Variants in SCAPER observed in about 807,000 individuals in gnomAD.
SCAPER encodes the protein S phase cyclin A-associated protein in the endoplasmic reticulum.
SCAPER carries 98 observed loss-of-function variants against 182.2 expected under a neutral mutation model. That is an observed-to-expected ratio of 0.54 (90% CI 0.46 to 0.64). SCAPER has a LOEUF of 0.64. SCAPER is among the 30% of genes least tolerant of loss of function. The probability of loss-of-function intolerance (pLI) is 0.00; values close to 1 mark genes in which losing one functional copy is unlikely to be tolerated. For missense variants in SCAPER, 1,432 were observed against 1,690.0 expected, an observed-to-expected ratio of 0.85 and a Z score of 2.68; for synonymous variants, 605 against 564.6, an observed-to-expected ratio of 1.07 and a Z score of -1.01.
At chr15:76,442,817 T>A (rs1044600227) in intron 25 of SCAPER, among the ~76,000 whole-genome samples, 1 of 152,206 alleles carries the variant, frequency 6.6e-6, no homozygotes, top group Admixed American at 6.5e-5. Context: ...CACCATTATA[T>A]CTTTCCTAGT....
chr15:76,670,922 T>C (rs1008621323), intron 20 of SCAPER, among the ~76,000 whole-genome samples: 1 of 152,214 alleles, frequency 6.6e-6, no homozygotes, highest in Non-Finnish European at 1.5e-5. Flanking sequence ...TACAGTGTTA[T>C]ACAGGAAGAA....
At chr15:76,691,867 C>T (rs1355879928) in intron 20 of SCAPER, among the ~76,000 whole-genome samples, 1 of 152,148 alleles carries the variant, frequency 6.6e-6, no homozygotes, top group Non-Finnish European at 1.5e-5. Flanking sequence ...TGAAACCCAG[C>T]TTATCTATAT....
At chr15:76,382,001 A>G (rs1318240475) in intron 27 of SCAPER, among the ~76,000 whole-genome samples, 1 of 152,200 alleles carries the variant, frequency 6.6e-6, no homozygotes, top group Non-Finnish European at 1.5e-5. Flanking sequence ...CTTTCTGGAT[A>G]TATAAAGGCA....
Position 76,814,210 on chromosome 15 carries a change from A to G in SCAPER, c.394-9577T>C, listed in dbSNP as rs544228983. Among the ~76,000 whole-genome samples, 7 of 152,352 alleles carry G rather than the reference A, an allele frequency of 4.6e-5. No homozygotes were observed. The East Asian group carries it at 1.3e-3, about 29-fold the overall frequency. ...CTATCCAAAGTGACATGCTCAATGC[A>G]ATCACTACCAAATTGTACTGGCATT... is the stretch of plus-strand genomic sequence containing the variant. On this transcript the variant is annotated intron_variant, in intron 5 of 31. Transcript: ENST00000563290.
At chr15:76,704,150 G>C (rs1056490357) in intron 18 of SCAPER, among the ~76,000 whole-genome samples, 11 of 152,118 alleles carry the variant, frequency 7.2e-5, no homozygotes, top group African/African-American at 2.7e-4. Flanking sequence ...ACTTTTGAGT[G>C]ATTAAAACCT....
rs562040892 is a variant in SCAPER at position 76,673,690 on chromosome 15, T to C, written c.2509-7901A>G. ...ACCCAGTAGCAATGAGCATCTCTGA[T>C]TATGGTCTTGAAATATCATTTCCCA... is the stretch of plus-strand genomic sequence containing the variant. On this transcript the variant is annotated intron_variant, in intron 20 of 31. Coordinates refer to ENST00000563290, the MANE Select transcript of SCAPER (RefSeq NM_020843.4). Among the ~76,000 whole-genome samples, 39 of 152,266 alleles carry C rather than the reference T, an allele frequency of 2.6e-4. 1 individual carries two copies. The highest frequency in any genetic ancestry group is 2.2e-3 in the Admixed American group (34 of 15,294).
intron 20 of SCAPER, among the ~76,000 whole-genome samples, chr15:76,693,532 C>A (rs1364757548): frequency 6.6e-6 from 1 of 152,058 alleles, no homozygotes; most frequent in African/African-American, 2.4e-5. Flanking sequence ...ATTTGTATAA[C>A]CCATGTTCAT....
At chr15:76,883,406 C>T (rs1181625162) in intron 2 of SCAPER, among the ~76,000 whole-genome samples, 1 of 152,124 alleles carries the variant, frequency 6.6e-6, no homozygotes, top group Non-Finnish European at 1.5e-5. Flanking sequence ...CACATCGGTC[C>T]CCATACCAGA....
At chr15:76,684,135 G>A (rs78038005) in intron 20 of SCAPER, among the ~76,000 whole-genome samples, 2,366 of 151,818 alleles carry the variant, frequency 0.016, 62 homozygotes, top group African/African-American at 0.055. Context: ...ATAGACCACC[G>A]ACACTATAAA....
At chr15:76,826,687 A>G (rs1057394271) in intron 5 of SCAPER, among the ~76,000 whole-genome samples, 2 of 152,208 alleles carry the variant, frequency 1.3e-5, no homozygotes, top group African/African-American at 4.8e-5. Context: ...TAAATTATAA[A>G]AGGAAAAAAC....
At chr15:76,644,543 T>A (rs2054378004) in intron 21 of SCAPER, among the ~76,000 whole-genome samples, 1 of 151,836 alleles carries the variant, frequency 6.6e-6, no homozygotes, top group African/African-American at 2.4e-5. Flanking sequence ...ACTGCTTTCA[T>A]ACATACAGTA....
At chr15:76,880,477 G>A (rs2073461797) in intron 2 of SCAPER, among the ~76,000 whole-genome samples, 3 of 152,166 alleles carry the variant, frequency 2.0e-5, no homozygotes, top group African/African-American at 7.2e-5. Context: ...AGGAACTCAA[G>A]AATTCTGCAA....
Position 76,580,525 on chromosome 15 carries a change from T to C in SCAPER, c.2712-6241A>G, listed in dbSNP as rs377425066. On this transcript the variant is annotated intron_variant, in intron 22 of 31. Transcript: ENST00000563290. ...ATCCTAGCACTTTGGGAGGCTAAGA[T>C]AGAAGGCCCCCTTGAAGCCAGGAGC... Among the ~76,000 whole-genome samples, 12 of 152,184 alleles carry C rather than the reference T, an allele frequency of 7.9e-5. No individual in the cohort carries two copies. In the South Asian group the frequency reaches 2.1e-3, roughly 26 times the overall value.
At chr15:76,787,876 A>G in intron 8 of SCAPER, among the ~76,000 whole-genome samples, 1 of 152,232 alleles carries the variant, frequency 6.6e-6, no homozygotes. Flanking sequence ...CTTCATCAAA[A>G]TTGAAACTTC....
intron 23 of SCAPER, among the ~76,000 whole-genome samples, chr15:76,515,784 C>A (rs1314958633): frequency 6.6e-6 from 1 of 152,062 alleles, no homozygotes. Context: ...TTGCGTCTAG[C>A]AAAAAGCAGG....
intron 1 of SCAPER, among the ~76,000 whole-genome samples, chr15:76,898,550 A>C (rs2074557824): frequency 6.6e-6 from 1 of 152,276 alleles, no homozygotes; most frequent in Non-Finnish European, 1.5e-5. Flanking sequence ...ATGGAATATT[A>C]TTCATCCATA....
At chr15:76,357,646 A>T (rs1384734693) in intron 29 of SCAPER, among the ~76,000 whole-genome samples, 2 of 152,252 alleles carry the variant, frequency 1.3e-5, no homozygotes, top group African/African-American at 4.8e-5. Context: ...TATGTTTATG[A>T]CAGCACTATT....
chr15:76,841,603 C>G (rs751192938), intron 5 of SCAPER, 131 bp downstream of exon 5: 3 of 876,870 alleles, frequency 3.4e-6, no homozygotes, highest in South Asian at 1.8e-5. Context: ...GCCAAGATCG[C>G]GTCACTACAC....
At chr15:76,429,789 A>G (rs1261350702) in intron 26 of SCAPER, among the ~76,000 whole-genome samples, 1 of 152,210 alleles carries the variant, frequency 6.6e-6, no homozygotes, top group Non-Finnish European at 1.5e-5. Flanking sequence ...TTTTCTGAGG[A>G]GATATTCAAG....
Sources: allele counts gnomAD v4.1 joint callset (sites outside exome capture counted in the v4.1 genomes callset), GRCh38; gene constraint gnomAD v4.1.1; transcripts MANE v1.5; gene names NCBI Gene and HGNC (gene_info 2026-07-23, HGNC 2026-07-21).